Variants in CCDC7 observed in about 807,000 individuals in gnomAD.
The protein encoded by CCDC7 is coiled-coil domain containing 7.
Under a neutral mutation model 196.9 loss-of-function variants are expected in CCDC7, and 183 were observed. That is an observed-to-expected ratio of 0.93 (90% CI 0.82 to 1.05). The LOEUF (loss-of-function observed/expected upper bound fraction) is 1.05. Ranked by LOEUF, CCDC7 falls within the 50% of genes least tolerant of loss-of-function variation. CCDC7 has a pLI of 0.00. For synonymous variants in CCDC7, 525 were observed against 484.6 expected (o/e 1.08, Z -1.10); for missense variants, 1,540 against 1,482.2 (o/e 1.04, Z -0.64).
At chr10:32,761,729 T>C (rs1592484425) in intron 28 of CCDC7, among the ~76,000 whole-genome samples, 2 of 152,150 alleles carry the variant, frequency 1.3e-5, no homozygotes, top group Middle Eastern at 6.8e-3. Flanking sequence ...TTTTATAGGA[T>C]ATCTTCTGTT....
At chr10:32,859,609 A>C (rs563375922) in intron 41 of CCDC7, among the ~76,000 whole-genome samples, 2 of 152,330 alleles carry the variant, frequency 1.3e-5, no homozygotes, top group Admixed American at 1.3e-4. Context: ...CCCTTCAAAA[A>C]ATCAGTGAAT....
At chr10:32,830,121 G>GATAT in intron 32 of CCDC7, among the ~76,000 whole-genome samples, 687 of 50,606 alleles carry the variant, frequency 0.014, 188 homozygotes, top group South Asian at 0.019. Context: ...TATATATAAG[G>GATAT]ATATATATAT....
chr10:32,456,174 GTAAA>G, intron 2 of CCDC7, 73 bp from the exon 4 acceptor site: 6 of 1,311,602 alleles, frequency 4.6e-6, no homozygotes, highest in Non-Finnish European at 5.9e-6. Context: ...TTTTCAAAAA[GTAAA>G]TATGCTAGAA....
At chr10:32,535,505 G>A (rs1246615955) in intron 11 of CCDC7, among the ~76,000 whole-genome samples, 1 of 152,078 alleles carries the variant, frequency 6.6e-6, no homozygotes, top group Non-Finnish European at 1.5e-5. Context: ...TGCGTGTGTG[G>A]GGTGCTTACA....
intron 20 of CCDC7, among the ~76,000 whole-genome samples, chr10:32,647,294 G>A (rs1168161225): frequency 2.0e-5 from 3 of 152,110 alleles, no homozygotes; most frequent in Admixed American, 6.5e-5. Flanking sequence ...ATCATTTGAG[G>A]TCAGGAGTTT....
At chr10:32,569,553 A>G (rs770196286) in intron 15 of CCDC7, among the ~76,000 whole-genome samples, 3 of 152,066 alleles carry the variant, frequency 2.0e-5, no homozygotes, top group Non-Finnish European at 2.9e-5. Flanking sequence ...CAGCCTGCCA[A>G]GTAGCTGAGA....
At chr10:32,567,542 C>T in intron 14 of CCDC7, 128 bp from the exon 16 acceptor site, 1 of 1,079,940 alleles carries the variant, frequency 9.3e-7, no homozygotes, top group Admixed American at 3.0e-5. Context: ...TACCTTTGCT[C>T]CCTTCAACTC....
chr10:32,803,044 C>A (rs1268619158), intron 29 of CCDC7, among the ~76,000 whole-genome samples: 1 of 152,188 alleles, frequency 6.6e-6, no homozygotes, highest in Non-Finnish European at 1.5e-5. Context: ...CACATTGATA[C>A]CTTGTTTTAT....
At chr10:32,604,754 AT>A (rs1057450594) in intron 18 of CCDC7, among the ~76,000 whole-genome samples, 3 of 151,546 alleles carry the variant, frequency 2.0e-5, no homozygotes, top group South Asian at 2.1e-4. Context: ...AATGCAACTG[AT>A]TTTTTTTATG....
chr10:32,859,630 T>C (rs909754718), intron 41 of CCDC7, among the ~76,000 whole-genome samples: 1 of 151,918 alleles, frequency 6.6e-6, no homozygotes, highest in African/African-American at 2.4e-5. Flanking sequence ...CCAGAGTTGG[T>C]TTTCTTGAAA....
chr10:32,587,491 A>G (rs2059400714), intron 18 of CCDC7, among the ~76,000 whole-genome samples: 3 of 152,172 alleles, frequency 2.0e-5, no homozygotes, highest in Non-Finnish European at 4.4e-5. Context: ...ATTCATGAGG[A>G]CAAAGCCCTC....
chr10:32,623,141 C>G (rs1309745760), intron 18 of CCDC7, among the ~76,000 whole-genome samples: 1 of 152,020 alleles, frequency 6.6e-6, no homozygotes, highest in Non-Finnish European at 1.5e-5. Flanking sequence ...AGTGTCTTTC[C>G]TAGACTCTTA....
intron 28 of CCDC7, among the ~76,000 whole-genome samples, chr10:32,768,994 C>A (rs2078744162): frequency 6.6e-6 from 1 of 151,986 alleles, no homozygotes; most frequent in Admixed American, 6.6e-5. Flanking sequence ...TGTCCTTGTT[C>A]AGCTTTGGTA....
intron 32 of CCDC7, among the ~76,000 whole-genome samples, chr10:32,830,992 A>G (rs1399803304): frequency 1.3e-5 from 2 of 152,202 alleles, no homozygotes; most frequent in Non-Finnish European, 2.9e-5. Context: ...AATGATGGAA[A>G]TGTGTCCTGA....
At chr10:32,512,025 A>G in intron 9 of CCDC7, 2 of 377,574 alleles carry the variant, frequency 5.3e-6, no homozygotes, top group East Asian at 1.1e-4. Context: ...ATTCTTCAGG[A>G]TCTTGTCAGT....
intron 30 of CCDC7, among the ~76,000 whole-genome samples, chr10:32,813,169 G>C (rs2087558679): frequency 1.3e-5 from 2 of 152,164 alleles, no homozygotes; most frequent in South Asian, 4.1e-4. Flanking sequence ...TCCAACCATA[G>C]TTATATACTC....
intron 30 of CCDC7, among the ~76,000 whole-genome samples, chr10:32,806,493 G>T (rs1370365951): frequency 6.6e-6 from 1 of 151,930 alleles, no homozygotes; most frequent in Admixed American, 6.6e-5. Context: ...AACAAGAAAA[G>T]GAAGATATTA....
chr10:32,812,767 C>T (rs762940941), intron 30 of CCDC7, among the ~76,000 whole-genome samples: 1 of 152,062 alleles, frequency 6.6e-6, no homozygotes, highest in Non-Finnish European at 1.5e-5. Context: ...CCCAATATTT[C>T]CTCAGATGGT....
chr10:32,797,169 A>G lies in CCDC7; in HGVS notation c.3014-7846A>G, dbSNP rs146925928. Among the ~76,000 whole-genome samples the G allele has an allele frequency of 1.5e-3, 214 of 146,390 alleles. 1 individual carries two copies. Among genetic ancestry groups the G allele is most frequent in the Admixed American group, 3.7e-3 (53 of 14,370 alleles). Reference sequence around the variant, plus strand: ...TAAACTGTGGTATGTGTATGTATATATGTGTGTGTGTGTATATATATACGT... The same window carrying G: ...TAAACTGTGGTATGTGTATGTATATGTGTGTGTGTGTGTATATATATACGT... On this transcript the variant is annotated intron_variant, in intron 29 of 41. Coordinates refer to ENST00000639629, the Ensembl canonical transcript of CCDC7.
Sources: gnomAD v4.1 joint callset for allele counts (sites outside exome capture counted in the v4.1 genomes callset) on GRCh38, gnomAD v4.1.1 for gene constraint, MANE v1.5 for transcripts, NCBI Gene and HGNC (gene_info 2026-07-23, HGNC 2026-07-21) for gene names.